PSMD9: variants seen among roughly 807,000 people sequenced by gnomAD.
PSMD9 encodes the protein 26S proteasome non-ATPase regulatory subunit 9.
A neutral mutation model predicts 25.9 loss-of-function variants in PSMD9; 26 were observed. The observed-to-expected ratio is 1.00, with a 90% CI of 0.73 to 1.39. The LOEUF (loss-of-function observed/expected upper bound fraction) is 1.39, where lower values mean the gene tolerates loss of function less well. Ranked by LOEUF, PSMD9 falls within the 40% of genes most tolerant of loss-of-function variation. The probability of loss-of-function intolerance (pLI) is 0.00; values close to 1 mark genes in which losing one functional copy is unlikely to be tolerated. For synonymous variants in PSMD9, 110 were observed against 114.5 expected (o/e 0.96, Z 0.25); for missense variants, 303 against 299.3 (o/e 1.01, Z -0.09).
chr12:121,910,195 C>T (rs1402899887), intron 4 of PSMD9, among the ~76,000 whole-genome samples: 1 of 142,996 alleles, frequency 7.0e-6, no homozygotes, highest in Non-Finnish European at 1.5e-5. Flanking sequence ...AAGCGATTCT[C>T]CTGCCTCAGC....
chr12:121,916,807 G>A lies in PSMD9; in HGVS notation c.*496G>A, dbSNP rs115859371. On this transcript the variant is annotated 3_prime_UTR_variant, in exon 6 of 6. Coordinates refer to ENST00000541212, the MANE Select transcript of PSMD9 (RefSeq NM_002813.7). ...ACTGAGGCCTTGCTGCTGTGGATAC[G>A]GAAATGGTTAAGTACTGTGCTTCCT... The A allele has an allele frequency of 8.1e-5, 13 of 159,838 alleles. No individual in the cohort carries two copies. The highest frequency in any genetic ancestry group is 1.8e-4 in the Admixed American group (3 of 17,106). 9.9% of individuals were successfully genotyped at this position (159,838 alleles called of 1,614,324 possible).
chr12:121,901,786 C>T (rs969866195), intron 3 of PSMD9, among the ~76,000 whole-genome samples: 27 of 149,516 alleles, frequency 1.8e-4, no homozygotes, highest in African/African-American at 6.7e-4. Flanking sequence ...CGCCATTCTC[C>T]TGCCTCATCC....
chr12:121,893,402 C>T (rs750297488), intron 1 of PSMD9, among the ~76,000 whole-genome samples: 1 of 152,216 alleles, frequency 6.6e-6, no homozygotes, highest in Admixed American at 6.5e-5. Context: ...GGCAGCTTGT[C>T]CCTGGACTGA....
chr12:121,918,034 C>T lies in PSMD9; in HGVS notation c.*1723C>T, dbSNP rs1879975796. 6.6e-6 allele frequency: 1 copy of T among 152,166 alleles called. No homozygotes were observed. Among genetic ancestry groups the T allele is most frequent in the Non-Finnish European group, 1.5e-5 (1 of 68,040 alleles). 9.4% of individuals were successfully genotyped at this position (152,166 alleles called of 1,614,324 possible). On this transcript the variant is annotated 3_prime_UTR_variant, in exon 6 of 6. Coordinates refer to ENST00000541212, the MANE Select transcript of PSMD9 (RefSeq NM_002813.7). The surrounding 1 kb of genome is among the most constrained non-coding windows in gnomAD (Gnocchi z 4.3). The stretch of plus-strand genomic sequence containing the variant: ...TCCTGCAGGGGTCCCAGTGGAAACC[C>T]GTGTGGCCACCTGTTGCCGTCTTCC...
chr12:121,914,015 C>G (rs1245393122), intron 4 of PSMD9, among the ~76,000 whole-genome samples: 1 of 152,054 alleles, frequency 6.6e-6, no homozygotes, highest in Non-Finnish European at 1.5e-5. Context: ...CCTGCCTCAG[C>G]CTCCCGAGTA....
chr12:121,907,778 G>A (rs1489669667), intron 4 of PSMD9, among the ~76,000 whole-genome samples: 3 of 152,160 alleles, frequency 2.0e-5, no homozygotes, highest in Admixed American at 6.6e-5. Flanking sequence ...AGTGGCTCAC[G>A]CCTGTGTTCC....
chr12:121,899,976 C>T lies in PSMD9; in HGVS notation c.453+131C>T, dbSNP rs56041145. ...TGAGTTCAGTTACTCATTTAACAAA[C>T]ACTGACTGAGGCCTGTCGTGTATCC... On this transcript the variant is annotated intron_variant, in intron 3 of 5. Transcript: ENST00000541212. 3,065 of 1,081,724 alleles carry T rather than the reference C, an allele frequency of 2.8e-3. 50 individuals are homozygous for T. In the African/African-American group the frequency reaches 0.042, roughly 15 times the overall value. 67.0% of individuals were successfully genotyped at this position (1,081,724 alleles called of 1,614,324 possible).
At chr12:121,897,933 T>A (rs528530943) in intron 2 of PSMD9, 2 of 152,344 alleles carry the variant, frequency 1.3e-5, no homozygotes, top group Non-Finnish European at 2.9e-5. Flanking sequence ...ACATTTTGAT[T>A]AGAATTGTAA....
At chr12:121,898,615 A>C (rs1257453540) in intron 2 of PSMD9, 1 of 149,704 alleles carries the variant, frequency 6.7e-6, no homozygotes, top group Non-Finnish European at 1.5e-5. Context: ...ATCTCGGCTC[A>C]CTGCAACCTC....
At chr12:121,911,659 CTTT>C (rs60603408) in intron 4 of PSMD9, among the ~76,000 whole-genome samples, 6,134 of 141,694 alleles carry the variant, frequency 0.043, 400 homozygotes, top group African/African-American at 0.15. Context: ...AATATATGAA[CTTT>C]TTTTTTTTTT....
chr12:121,916,088 T>A, intron 5 of PSMD9, 144 bp downstream of exon 5: 1 of 1,169,666 alleles, frequency 8.5e-7, no homozygotes, highest in Non-Finnish European at 1.2e-6. Flanking sequence ...ATCCTCGTGG[T>A]AGGAACGAGA....
Position 121,916,268 on chromosome 12 carries a change from T to A in PSMD9, c.645-16T>A, listed in dbSNP as rs555608220. 5.0e-5 allele frequency: 81 copies of A among 1,614,124 alleles called. 1 individual carries two copies. In the South Asian group the frequency reaches 8.1e-4, roughly 16 times the overall value. On this transcript the variant is annotated splice_polypyrimidine_tract_variant and intron_variant, in intron 5 of 5. Transcript: ENST00000541212. ...AGCCTCCAAACTTACGCCATTCCTTTTCTTCTTTCTTCCAGCTGCAACATT... is the reference window on the plus strand; with the variant it reads ...AGCCTCCAAACTTACGCCATTCCTTATCTTCTTTCTTCCAGCTGCAACATT...
rs1879446333 is a variant in PSMD9, at chr12:121,903,056, G to A, written c.504G>A (p.Gln168=). The change falls in exon 4 of 6, where the codon CAG becomes CAA. Residue 168 remains glutamine, a synonymous_variant. Coordinates refer to ENST00000541212, the MANE Select transcript of PSMD9 (RefSeq NM_002813.7). ...EIVEFGSVNT[Q]NFQSLHNIGS... The stretch of plus-strand genomic sequence containing the variant: ...TGGAGTTCGGCTCTGTGAACACCCA[G>A]AACTTCCAGTCACTGCATAACATTG... 1.2e-6 allele frequency: 2 copies of A among 1,614,020 alleles called. No individual in the cohort carries two copies. Among genetic ancestry groups the A allele is most frequent in the African/African-American group, 2.7e-5 (2 of 74,920 alleles).
intron 4 of PSMD9, among the ~76,000 whole-genome samples, chr12:121,912,884 AAAAG>A (rs1463103523): frequency 5.4e-5 from 8 of 148,288 alleles, no homozygotes; most frequent in Non-Finnish European, 1.0e-4. Flanking sequence ...AAAAAAAAAA[AAAAG>A]AAAGAAAAAG....
chr12:121,894,476 T>C (rs535450734), intron 1 of PSMD9: 38 of 386,956 alleles, frequency 9.8e-5, no homozygotes, highest in African/African-American at 7.6e-4. Context: ...AAGGAGTCTT[T>C]GGTTTTATCG....
At chr12:121,908,581 C>T (rs1165609653) in intron 4 of PSMD9, among the ~76,000 whole-genome samples, 4 of 152,100 alleles carry the variant, frequency 2.6e-5, no homozygotes, top group Non-Finnish European at 4.4e-5. Flanking sequence ...TAACGGGGAA[C>T]GAAACAAACA....
At chr12:121,901,319 A>C (rs1879388736) in intron 3 of PSMD9, among the ~76,000 whole-genome samples, 1 of 151,900 alleles carries the variant, frequency 6.6e-6, no homozygotes, top group African/African-American at 2.4e-5. Flanking sequence ...CACTTAGCAA[A>C]TTTTCAAGTC....
chr12:121,905,545 TA>T (rs1879531112), intron 4 of PSMD9, among the ~76,000 whole-genome samples: 1 of 150,836 alleles, frequency 6.6e-6, no homozygotes, highest in Non-Finnish European at 1.5e-5. Context: ...TTTTTTTCTT[TA>T]AGATGGAGTT....
At chr12:121,897,555 C>A (rs555084401) in intron 2 of PSMD9, 74 of 148,978 alleles carry the variant, frequency 5.0e-4, no homozygotes, top group African/African-American at 1.4e-3. Flanking sequence ...CCATGCCTGG[C>A]CTAATTTTTT....
Sources: allele counts gnomAD v4.1 joint callset (sites outside exome capture counted in the v4.1 genomes callset), GRCh38; gene constraint gnomAD v4.1.1; non-coding constraint Gnocchi (gnomAD v3.1); transcripts MANE v1.5; gene names NCBI Gene and HGNC (gene_info 2026-07-23, HGNC 2026-07-21).